Variants in DIP2C observed in about 807,000 individuals in gnomAD.
The protein encoded by DIP2C is DIP2 acetate--CoA ligase C (putative).
Under a neutral mutation model 192.4 loss-of-function variants are expected in DIP2C, and 33 were observed. The ratio of observed to expected loss-of-function variants is 0.17; its 90% CI spans 0.13 to 0.23. The LOEUF (loss-of-function observed/expected upper bound fraction) is 0.23. Among genes scored for constraint, DIP2C ranks in the 10% least tolerant of loss-of-function variants. DIP2C has a pLI of 1.00. For missense variants in DIP2C, 1,537 were observed against 2,110.1 expected (o/e 0.73, Z 5.32); for synonymous variants, 979 against 864.1 (o/e 1.13, Z -2.33).
At chr10:624,879 G>T (rs951667519) in intron 1 of DIP2C, among the ~76,000 whole-genome samples, 4 of 152,254 alleles carry the variant, frequency 2.6e-5, no homozygotes, top group Admixed American at 6.5e-5. Context: ...AGAACCCGGG[G>T]GGGGAGCCGC....
intron 2 of DIP2C, chr10:484,850 G>C (rs1428492645): frequency 6.2e-7 from 1 of 1,611,598 alleles, no homozygotes; most frequent in Non-Finnish European, 8.5e-7. Context: ...GCAGCTTCTC[G>C]GACGTCGCAC....
At chr10:469,861 A>G (rs779367920) in intron 3 of DIP2C, among the ~76,000 whole-genome samples, 2 of 152,140 alleles carry the variant, frequency 1.3e-5, no homozygotes, top group African/African-American at 4.8e-5. Context: ...GCCGTTCCCC[A>G]AATGTGTCAC....
At chr10:454,932 A>G (rs546795393) in intron 3 of DIP2C, among the ~76,000 whole-genome samples, 45 of 152,262 alleles carry the variant, frequency 3.0e-4, no homozygotes, top group African/African-American at 1.0e-3. Flanking sequence ...AGAAAAACCC[A>G]TACCCTTCAC....
Position 390,068 on chromosome 10 carries a change from A to G in DIP2C, c.1520T>C (p.Val507Ala), listed in dbSNP as rs1480809301. Residue 507 changes from valine (V) to alanine (A), a missense_variant, in exon 13 of 37, where the codon GTG (valine) becomes GCG (alanine). Transcript: ENST00000280886. Reference protein sequence around the residue: ...IEYKTCKDGSVLGVTVTRTAL... With the variant: ...IEYKTCKDGSALGVTVTRTAL... ...AGTCCTCGTCACCGTCACACCCAGC[A>G]CACTGCCATCCTTACACGTCTTGTA... 1 of 1,614,126 alleles carries G rather than the reference A, an allele frequency of 6.2e-7. No individual in the cohort carries two copies. Among genetic ancestry groups the G allele is most frequent in the East Asian group, 2.2e-5 (1 of 44,882 alleles).
chr10:558,925 GACCCCTCCCCCACCGACAGCCCA>G (rs901938274), intron 1 of DIP2C, among the ~76,000 whole-genome samples: 58 of 151,374 alleles, frequency 3.8e-4, no homozygotes, highest in African/African-American at 1.4e-3. Context: ...CGGACCACCC[GACCCCTCCCCCACCGACAGCCCA>G]ACCCCTCCCC....
intron 1 of DIP2C, among the ~76,000 whole-genome samples, chr10:523,288 G>C (rs1392957387): frequency 6.6e-6 from 1 of 151,426 alleles, no homozygotes. Context: ...GGACCCTGGA[G>C]TGAGGATGCA....
intron 14 of DIP2C, among the ~76,000 whole-genome samples, chr10:385,925 G>T (rs556743883): frequency 6.6e-6 from 1 of 152,294 alleles, no homozygotes; most frequent in South Asian, 2.1e-4. Flanking sequence ...GCTGGGGGAG[G>T]TAAGGGTGTC....
At chr10:396,828 G>GGC (rs1554842463) in intron 10 of DIP2C, among the ~76,000 whole-genome samples, 4 of 60,312 alleles carry the variant, frequency 6.6e-5, no homozygotes, top group African/African-American at 1.6e-4. Flanking sequence ...AAATCCGGTG[G>GGC]GGGGGGGGGA....
chr10:365,976 ACAC>A (rs1228191312), intron 19 of DIP2C, among the ~76,000 whole-genome samples: 1 of 152,240 alleles, frequency 6.6e-6, no homozygotes, highest in African/African-American at 2.4e-5. Context: ...CCCTTCACGC[ACAC>A]AAGTGCACGT....
intron 29 of DIP2C, among the ~76,000 whole-genome samples, chr10:336,934 GACTGGTGTGT>G (rs1233472052): frequency 3.7e-5 from 2 of 53,582 alleles, no homozygotes; most frequent in Non-Finnish European, 6.1e-5. Flanking sequence ...TGGAGGCCTA[GACTGGTGTGT>G]GCGCGTGTGT....
intron 1 of DIP2C, among the ~76,000 whole-genome samples, chr10:590,802 TA>T (rs1350571422): frequency 6.6e-6 from 1 of 152,208 alleles, no homozygotes; most frequent in Non-Finnish European, 1.5e-5. Context: ...TCTGATGACC[TA>T]GGCAGGTCGT....
intron 28 of DIP2C, among the ~76,000 whole-genome samples, chr10:342,653 AGTT>A (rs1289269040): frequency 6.6e-6 from 1 of 152,186 alleles, no homozygotes. Context: ...GGCTCACAGA[AGTT>A]AAAGATTTTG....
chr10:659,946 AAC>A (rs923333670), intron 1 of DIP2C, among the ~76,000 whole-genome samples: 5 of 152,262 alleles, frequency 3.3e-5, no homozygotes, highest in Admixed American at 6.5e-5. Flanking sequence ...AAGGCAAAGA[AAC>A]AGCCTTAGGA....
At chr10:469,411 G>A (rs893194417) in intron 3 of DIP2C, among the ~76,000 whole-genome samples, 11 of 151,680 alleles carry the variant, frequency 7.3e-5, no homozygotes, top group Non-Finnish European at 1.6e-4. Flanking sequence ...CCACCTCCCG[G>A]GTTCAAGAGA....
At chr10:463,041 C>G (rs1315093765) in intron 3 of DIP2C, among the ~76,000 whole-genome samples, 1 of 152,134 alleles carries the variant, frequency 6.6e-6, no homozygotes, top group African/African-American at 2.4e-5. Flanking sequence ...CTATTTATGA[C>G]AAACCAACAG....
At chr10:520,918 A>G (rs574620593) in intron 1 of DIP2C, among the ~76,000 whole-genome samples, 47 of 152,386 alleles carry the variant, frequency 3.1e-4, no homozygotes, top group African/African-American at 9.9e-4. Flanking sequence ...TGTTGGCTAC[A>G]TTCAGTTTAA....
intron 1 of DIP2C, among the ~76,000 whole-genome samples, chr10:518,801 G>C (rs986454124): frequency 1.3e-5 from 2 of 152,194 alleles, no homozygotes; most frequent in African/African-American, 4.8e-5. Context: ...TCCAGAAAGA[G>C]GTTTAATTAA....
At chr10:523,790 G>A (rs1846881162) in intron 1 of DIP2C, among the ~76,000 whole-genome samples, 1 of 152,180 alleles carries the variant, frequency 6.6e-6, no homozygotes, top group Non-Finnish European at 1.5e-5. Context: ...TGACGCAAAG[G>A]ACCCTGGAGC....
intron 10 of DIP2C, among the ~76,000 whole-genome samples, chr10:394,747 G>T (rs1453456357): frequency 6.7e-6 from 1 of 149,208 alleles, no homozygotes; most frequent in African/African-American, 2.5e-5. Context: ...CTTCAGGGAG[G>T]AGGGAAGCCT....
Sources: gnomAD v4.1 joint callset for allele counts (sites outside exome capture counted in the v4.1 genomes callset) on GRCh38, gnomAD v4.1.1 for gene constraint, MANE v1.5 for transcripts, NCBI Gene and HGNC (gene_info 2026-07-23, HGNC 2026-07-21) for gene names.